GRID2: variants seen among roughly 807,000 people sequenced by gnomAD.
GRID2 encodes the protein glutamate ionotropic receptor delta type subunit 2, also known as glutamate receptor ionotropic, delta-2.
Under a neutral mutation model 114.8 loss-of-function variants are expected in GRID2, and 33 were observed. That is an observed-to-expected ratio of 0.29 (90% CI 0.22 to 0.38). The LOEUF (loss-of-function observed/expected upper bound fraction) is 0.38, where lower values mean the gene tolerates loss of function less well. Among genes scored for constraint, GRID2 ranks in the 10% least tolerant of loss-of-function variants. GRID2 has a pLI of 1.00. For synonymous variants in GRID2, 505 were observed against 449.9 expected, an observed-to-expected ratio of 1.12 and a Z score of -1.55; for missense variants, 1,184 against 1,257.7, an observed-to-expected ratio of 0.94 and a Z score of 0.89.
At chr4:93,320,178 A>G (rs1267985361) in intron 8 of GRID2, among the ~76,000 whole-genome samples, 2 of 152,144 alleles carry the variant, frequency 1.3e-5, no homozygotes, top group Non-Finnish European at 2.9e-5. Flanking sequence ...AGAAGAAGAC[A>G]ATTGGAGTAA....
chr4:93,672,024 T>C (rs895604918), intron 14 of GRID2, among the ~76,000 whole-genome samples: 10 of 152,122 alleles, frequency 6.6e-5, no homozygotes, highest in African/African-American at 2.4e-4. Flanking sequence ...AGAGCATTCT[T>C]AAACACAAGC....
chr4:93,414,688 TA>T (rs774882166), intron 9 of GRID2, among the ~76,000 whole-genome samples: 1,519 of 44,140 alleles, frequency 0.034, 18 homozygotes, highest in South Asian at 0.2. Flanking sequence ...TGACATTTTA[TA>T]TATATATATA....
chr4:93,513,597 G>C (rs1451001613), intron 12 of GRID2, among the ~76,000 whole-genome samples: 1 of 152,082 alleles, frequency 6.6e-6, no homozygotes, highest in Non-Finnish European at 1.5e-5. Context: ...GAATATTCCA[G>C]AAAATTCCAG....
chr4:93,013,976 T>C (rs1420306171), intron 2 of GRID2, among the ~76,000 whole-genome samples: 1 of 151,958 alleles, frequency 6.6e-6, no homozygotes, highest in African/African-American at 2.4e-5. Flanking sequence ...TCAAATTTCA[T>C]GGTAAAGACT....
At chr4:92,642,692 T>G (rs537516457) in intron 2 of GRID2, among the ~76,000 whole-genome samples, 241 of 151,998 alleles carry the variant, frequency 1.6e-3, no homozygotes, top group Admixed American at 3.4e-3. Context: ...TTGGTTTTGT[T>G]GCAATTGCTT....
In GRID2 at chr4:93,085,154, G is replaced by A. The variant is rs1191837177; in HGVS notation, c.404G>A (p.Arg135Gln). ...GTPRSGCGLT[R>Q]SNRNDDYTLS... Reference sequence around the variant, plus strand: ...CCAAGGAGTGGCTGTGGACTCACCCGGAGCAACAGGAATGATGACTACACT... The same window carrying A: ...CCAAGGAGTGGCTGTGGACTCACCCAGAGCAACAGGAATGATGACTACACT... The change falls in exon 3 of 16, where the codon CGG becomes CAG. Residue 135 changes from arginine (R) to glutamine (Q), a missense_variant. This residue lies in a region of GRID2 where 455 missense variants were observed against 429.5 expected (regional missense o/e 1.06). Transcript: ENST00000282020. The A allele has an allele frequency of 3.1e-6, 5 of 1,613,912 alleles. No homozygotes were observed. The highest frequency in any genetic ancestry group is 2.2e-5 in the East Asian group (1 of 44,884).
At chr4:92,782,266 T>C (rs754227759) in intron 2 of GRID2, among the ~76,000 whole-genome samples, 1 of 152,078 alleles carries the variant, frequency 6.6e-6, no homozygotes. Flanking sequence ...CTCTCCTAAT[T>C]TGTGCTAAAA....
intron 2 of GRID2, among the ~76,000 whole-genome samples, chr4:92,753,577 A>T (rs1737560007): frequency 6.6e-6 from 1 of 152,212 alleles, no homozygotes; most frequent in South Asian, 2.1e-4. Context: ...GGATGGCTGC[A>T]AGTATTAGAA....
chr4:93,554,913 C>T (rs1230056430), intron 13 of GRID2, among the ~76,000 whole-genome samples: 1 of 152,144 alleles, frequency 6.6e-6, no homozygotes, highest in East Asian at 1.9e-4. Flanking sequence ...GTACTCGGCT[C>T]ATATCATTGG....
intron 2 of GRID2, among the ~76,000 whole-genome samples, chr4:92,851,577 A>G (rs1243396181): frequency 6.6e-5 from 10 of 152,018 alleles, no homozygotes; most frequent in Non-Finnish European, 1.5e-4. Flanking sequence ...AGAGATAATT[A>G]TGTAGGTAAT....
intron 8 of GRID2, among the ~76,000 whole-genome samples, chr4:93,386,764 G>A (rs990690710): frequency 2.6e-5 from 4 of 152,088 alleles, no homozygotes; most frequent in African/African-American, 9.7e-5. Context: ...TCTAGGAATG[G>A]GAAAGTACCA....
At position 92,929,072 on chromosome 4, in the gene GRID2, T is replaced by C. The variant is rs142806727; in HGVS notation, c.245-155923T>C. 4.6e-3 allele frequency among the ~76,000 whole-genome samples: 692 copies of C among 151,646 alleles called. 3 individuals carry two copies. Among genetic ancestry groups the C allele is most frequent in the Non-Finnish European group, 6.7e-3 (451 of 67,620 alleles). On this transcript the variant is annotated intron_variant, in intron 2 of 15. Coordinates refer to ENST00000282020, the MANE Select transcript of GRID2 (RefSeq NM_001510.4). ...AAATTAATGTGATCAGTATATCTTC[T>C]TTTTATGTTTATTTCATTTTCTTTT...
At chr4:93,061,190 T>A (rs1401609674) in intron 2 of GRID2, among the ~76,000 whole-genome samples, 1 of 121,136 alleles carries the variant, frequency 8.3e-6, no homozygotes, top group Non-Finnish European at 1.8e-5. Context: ...TCATCAGGTT[T>A]TTCTTGTTTT....
chr4:92,450,540 G>A (rs1320363775), intron 1 of GRID2, among the ~76,000 whole-genome samples: 1 of 151,966 alleles, frequency 6.6e-6, no homozygotes, highest in Non-Finnish European at 1.5e-5. Flanking sequence ...GTTCTTTGTT[G>A]TGCTCCATTC....
intron 2 of GRID2, among the ~76,000 whole-genome samples, chr4:92,805,946 C>G (rs1190343573): frequency 6.6e-6 from 1 of 151,482 alleles, no homozygotes; most frequent in African/African-American, 2.4e-5. Context: ...TTTTTTCTCC[C>G]TACTATCACC....
intron 14 of GRID2, among the ~76,000 whole-genome samples, chr4:93,679,327 T>C (rs1725264115): frequency 6.6e-6 from 1 of 150,862 alleles, no homozygotes; most frequent in African/African-American, 2.5e-5. Flanking sequence ...CCAATAATAA[T>C]GGGAGGCTTT....
At chr4:93,063,251 G>A (rs1334087593) in intron 2 of GRID2, among the ~76,000 whole-genome samples, 1 of 151,904 alleles carries the variant, frequency 6.6e-6, no homozygotes, top group Non-Finnish European at 1.5e-5. Context: ...ACTAAGAGGT[G>A]TGCATGTTTT....
intron 14 of GRID2, among the ~76,000 whole-genome samples, chr4:93,703,694 G>T (rs917539334): frequency 7.7e-6 from 1 of 130,392 alleles, no homozygotes; most frequent in Non-Finnish European, 1.5e-5. Context: ...CCCTTCCTGT[G>T]TCCATGTGTT....
At chr4:93,354,021 A>ATG (rs1553915443) in intron 8 of GRID2, among the ~76,000 whole-genome samples, 1 of 135,506 alleles carries the variant, frequency 7.4e-6, no homozygotes, top group African/African-American at 3.2e-5. Flanking sequence ...AAGCACACAC[A>ATG]TGCACACACA....
Sources: gnomAD v4.1 joint callset for allele counts (sites outside exome capture counted in the v4.1 genomes callset) on GRCh38, gnomAD v4.1.1 for gene constraint, gnomAD v4.1.1 regional missense constraint, MANE v1.5 for transcripts, NCBI Gene and HGNC (gene_info 2026-07-23, HGNC 2026-07-21) for gene names.